MAPK10: variants seen among roughly 807,000 people sequenced by gnomAD.
MAPK10 encodes JNK3 alpha protein kinase.
In MAPK10, 25 loss-of-function variants were observed where a neutral mutation model predicts 59.3. The observed-to-expected ratio is 0.42, with a 90% confidence interval of 0.31 to 0.59. MAPK10 has a LOEUF of 0.59. Among genes scored for constraint, MAPK10 ranks in the 20% least tolerant of loss-of-function variants. The pLI is 0.15. For missense variants in MAPK10, 351 were observed against 568.9 expected (o/e 0.62, Z 3.90); for synonymous variants, 190 against 200.5 (o/e 0.95, Z 0.44).
chr4:86,561,615 T>C (rs1023769873), intron 1 of MAPK10, among the ~76,000 whole-genome samples: 22 of 152,208 alleles, frequency 1.4e-4, no homozygotes, highest in African/African-American at 5.3e-4. Context: ...TCTCTCTATA[T>C]ATATGAGGGA....
chr4:86,399,585 T>C (rs1419279428), intron 1 of MAPK10, among the ~76,000 whole-genome samples: 4 of 152,182 alleles, frequency 2.6e-5, no homozygotes, highest in Non-Finnish European at 4.4e-5. Flanking sequence ...ATTATGACCA[T>C]TTTGAGGGCA....
intron 3 of MAPK10, among the ~76,000 whole-genome samples, chr4:86,188,281 C>G (rs376599310): frequency 3.3e-5 from 5 of 152,248 alleles, no homozygotes; most frequent in African/African-American, 1.2e-4. Flanking sequence ...ATTGCTGGGT[C>G]AAATGGTGTT....
intron 12 of MAPK10, 36 bp from the exon 13 acceptor site, chr4:86,029,310 T>C (rs1375146391): frequency 1.5e-6 from 2 of 1,318,400 alleles, no homozygotes; most frequent in Non-Finnish European, 2.2e-6. Flanking sequence ...AGAAAACAAA[T>C]TTATCCTTCA....
At chr4:86,345,600 T>C (rs1393456350) in intron 2 of MAPK10, among the ~76,000 whole-genome samples, 3 of 152,194 alleles carry the variant, frequency 2.0e-5, no homozygotes, top group Non-Finnish European at 4.4e-5. Flanking sequence ...GGAATATTAA[T>C]TCATGACATA....
At chr4:86,130,563 A>C (rs2060820655) in intron 4 of MAPK10, among the ~76,000 whole-genome samples, 1 of 152,208 alleles carries the variant, frequency 6.6e-6, no homozygotes, top group African/African-American at 2.4e-5. Flanking sequence ...ATGTGGTCTA[A>C]TCGCAAGAGC....
chr4:86,277,722 G>A (rs1191408087), intron 2 of MAPK10, among the ~76,000 whole-genome samples: 2 of 152,078 alleles, frequency 1.3e-5, no homozygotes, highest in Admixed American at 6.6e-5. Flanking sequence ...CCAGGATGGT[G>A]GCACATCAAA....
Position 86,102,025 on chromosome 4 carries a change from C to A in MAPK10, c.433G>T (p.Val145Leu), listed in dbSNP as rs1336009977. Residue 145 changes from valine (V) to leucine (L), a missense_variant, in exon 7 of 14, where the codon GTA becomes TTA. Physicochemically the swap from Val to Leu is conservative, Grantham distance 32 (BLOSUM62 1). Transcript: ENST00000641462. ...TLEEFQDVYLVMELMDANLCQ... is the reference protein window; with the variant it reads ...TLEEFQDVYLLMELMDANLCQ... ...AAGTTGGCATCCATCAGTTCCATTA[C>A]TAAGTAACTAGAAGGGTGAATCCAC... 2 of 1,613,778 alleles carry A rather than the reference C, an allele frequency of 1.2e-6. No homozygotes were observed.
intron 2 of MAPK10, among the ~76,000 whole-genome samples, chr4:86,292,616 G>T (rs1487716941): frequency 6.6e-6 from 1 of 152,208 alleles, no homozygotes; most frequent in African/African-American, 2.4e-5. Context: ...TAACTACTCA[G>T]AAGGCAGAGA....
intron 1 of MAPK10, among the ~76,000 whole-genome samples, chr4:86,449,975 A>C (rs1228720283): frequency 6.6e-6 from 1 of 152,244 alleles, no homozygotes; most frequent in Non-Finnish European, 1.5e-5. Flanking sequence ...GGAGCTTGAA[A>C]GAGGACCCTG....
chr4:86,274,688 G>T (rs1031401815), intron 2 of MAPK10, among the ~76,000 whole-genome samples: 2 of 151,844 alleles, frequency 1.3e-5, no homozygotes, highest in African/African-American at 4.8e-5. Flanking sequence ...ATGCCAATCT[G>T]CATGGTAAAC....
At chr4:86,293,077 T>G (rs560269524) in intron 2 of MAPK10, among the ~76,000 whole-genome samples, 9 of 152,306 alleles carry the variant, frequency 5.9e-5, no homozygotes, top group African/African-American at 2.2e-4. Context: ...ACATATCACA[T>G]TAAATAAAAT....
chr4:86,480,716 G>A (rs1753539089), intron 1 of MAPK10, among the ~76,000 whole-genome samples: 1 of 152,196 alleles, frequency 6.6e-6, no homozygotes, highest in Non-Finnish European at 1.5e-5. Flanking sequence ...TGGAAAAGGT[G>A]ATATCTTTCC....
intron 1 of MAPK10, among the ~76,000 whole-genome samples, chr4:86,396,197 A>C (rs1433193588): frequency 6.6e-6 from 1 of 152,180 alleles, no homozygotes; most frequent in African/African-American, 2.4e-5. Flanking sequence ...AATACAAAAA[A>C]TTAGCCAGGC....
chr4:86,565,651 A>T (rs1324184767), intron 1 of MAPK10, among the ~76,000 whole-genome samples: 2 of 152,238 alleles, frequency 1.3e-5, no homozygotes. Flanking sequence ...TTTATATAGC[A>T]AAGATAATTA....
chr4:86,225,796 A>G (rs2090506450), intron 2 of MAPK10, among the ~76,000 whole-genome samples: 3 of 152,194 alleles, frequency 2.0e-5, no homozygotes. Flanking sequence ...TCCAAAAGGC[A>G]GTGCACTATT....
In MAPK10 at chr4:86,567,729, G is replaced by A. The variant is rs560916050; in HGVS notation, c.-263+26181C>T. 1.3e-5 allele frequency among the ~76,000 whole-genome samples: 2 copies of A among 152,076 alleles called. 1 individual carries two copies. The highest frequency in any genetic ancestry group is 4.8e-5 in the African/African-American group (2 of 41,400). On this transcript the variant is annotated intron_variant, in intron 1 of 4. Transcript: ENST00000502302. Reference sequence around the variant, plus strand: ...TTGATAGTAGATTCACTGACATACGGAGAAATTTAAAAGAGAAATGTATCA... The same window carrying A: ...TTGATAGTAGATTCACTGACATACGAAGAAATTTAAAAGAGAAATGTATCA...
chr4:86,410,905 C>T (rs1183203902), intron 1 of MAPK10, among the ~76,000 whole-genome samples: 3 of 151,954 alleles, frequency 2.0e-5, no homozygotes, highest in East Asian at 1.9e-4. Flanking sequence ...TATCCTTCAG[C>T]TCTGCTCTGA....
intron 1 of MAPK10, among the ~76,000 whole-genome samples, chr4:86,394,225 C>T (rs915315075): frequency 3.3e-5 from 5 of 151,656 alleles, no homozygotes; most frequent in East Asian, 3.9e-4. Context: ...GCCCAGATCG[C>T]GCCATTGCAC....
intron 1 of MAPK10, among the ~76,000 whole-genome samples, chr4:86,566,531 T>C (rs947682153): frequency 1.3e-4 from 20 of 151,532 alleles, no homozygotes; most frequent in African/African-American, 4.6e-4. Flanking sequence ...CTGGCCAACA[T>C]GGTGAAACCC....
Sources: allele counts gnomAD v4.1 joint callset (sites outside exome capture counted in the v4.1 genomes callset), GRCh38; gene constraint gnomAD v4.1.1; transcripts MANE v1.5; gene names NCBI Gene and HGNC (gene_info 2026-07-23, HGNC 2026-07-21).